UBA3: variants seen among roughly 807,000 people sequenced by gnomAD.
UBA3 encodes ubiquitin like modifier activating enzyme 3, also known as NEDD8-activating enzyme E1 catalytic subunit.
In UBA3, 26 loss-of-function variants were observed where a neutral mutation model predicts 73.5. The observed-to-expected ratio is 0.35, with a 90% CI of 0.26 to 0.49. UBA3 has a LOEUF of 0.49. Ranked by LOEUF, UBA3 falls within the 20% of genes least tolerant of loss-of-function variation. UBA3 has a pLI of 0.98. For synonymous variants in UBA3, 217 were observed against 191.2 expected, an observed-to-expected ratio of 1.13 and a Z score of -1.11; for missense variants, 495 against 555.6, an observed-to-expected ratio of 0.89 and a Z score of 1.10.
At chr3:69,063,226 T>G in intron 8 of UBA3, 89 bp from the exon 9 acceptor site, 8 of 1,515,794 alleles carry the variant, frequency 5.3e-6, no homozygotes, top group Non-Finnish European at 6.3e-6. Flanking sequence ...ATGAGTCGGT[T>G]GTGCTATTGA....
chr3:69,076,794 T>C (rs1317454138), intron 3 of UBA3, among the ~76,000 whole-genome samples: 1 of 151,914 alleles, frequency 6.6e-6, no homozygotes, highest in Non-Finnish European at 1.5e-5. Flanking sequence ...GTTCTCTCTA[T>C]GTTGCCCAGG....
chr3:69,055,274 ATTCTG>A lies in UBA3; in HGVS notation c.*158_*162del. The A allele has an allele frequency of 2.3e-6, 1 of 444,012 alleles. No individual in the cohort carries two copies. The highest frequency in any genetic ancestry group is 3.7e-5 in the East Asian group (1 of 26,696). 27.5% of individuals were successfully genotyped at this position (444,012 alleles called of 1,614,324 possible). ...AATGCTTACAAGCACCAACACCAAA[ATTCTG>A]TCTTCAAGGGAAGGTTACAAAGTTA... On this transcript the variant is annotated 3_prime_UTR_variant, in exon 18 of 18. Coordinates refer to ENST00000361055, the MANE Select transcript of UBA3 (RefSeq NM_003968.4).
At chr3:69,077,553 T>A (rs1443087016) in intron 3 of UBA3, 3 of 343,768 alleles carry the variant, frequency 8.7e-6, no homozygotes, top group African/African-American at 2.2e-5. Flanking sequence ...AATTTTTACA[T>A]GAGGTCATGA....
At chr3:69,080,262 G>A (rs1325069295) in intron 1 of UBA3, 72 bp downstream of exon 1, 2 of 1,576,506 alleles carry the variant, frequency 1.3e-6, no homozygotes, top group African/African-American at 1.4e-5. Context: ...GGGTGGCGGC[G>A]GCAACCGCCC....
At chr3:69,075,013 A>G (rs189611287) in intron 4 of UBA3, 1 of 153,052 alleles carries the variant, frequency 6.5e-6, no homozygotes, top group South Asian at 2.1e-4. Flanking sequence ...GTCTCCCTCT[A>G]TATAAAATGG....
chr3:69,076,522 G>C (rs1306954885), intron 3 of UBA3: 2 of 152,164 alleles, frequency 1.3e-5, no homozygotes, highest in Non-Finnish European at 2.9e-5. Context: ...GGCAACAAAA[G>C]CAAAACTCCA....
intron 11 of UBA3, chr3:69,061,603 AGTTTGACTT>A: frequency 2.3e-6 from 1 of 436,566 alleles, no homozygotes; most frequent in Non-Finnish European, 4.1e-6. Flanking sequence ...TAAAATGGAC[AGTTTGACTT>A]GGATGACTTA....
intron 11 of UBA3, among the ~76,000 whole-genome samples, chr3:69,061,351 A>G (rs2092019602): frequency 6.6e-6 from 1 of 152,182 alleles, no homozygotes; most frequent in Non-Finnish European, 1.5e-5. Flanking sequence ...ATGTGCCACC[A>G]CACCCAGCTA....
At chr3:69,078,151 A>G (rs1474420862) in intron 2 of UBA3, among the ~76,000 whole-genome samples, 1 of 152,270 alleles carries the variant, frequency 6.6e-6, no homozygotes, top group Non-Finnish European at 1.5e-5. Flanking sequence ...TGGATGAAAT[A>G]AATCAGTCTA....
rs1473207761 is a variant in UBA3, at chr3:69,077,904, CCAT to C, written c.74_76del (p.Asp25del). ...CCAGTCTCCAGTGTCCCCACACCCA[CCAT>C]CAACAGCCATTCTGCACAGAACACA... On this transcript the variant is annotated inframe_deletion, in exon 3 of 18. Coordinates refer to ENST00000361055, the MANE Select transcript of UBA3 (RefSeq NM_003968.4). The C allele has an allele frequency of 6.2e-7, 1 of 1,614,022 alleles. No homozygotes were observed.
chr3:69,061,959 G>A, intron 10 of UBA3, 32 bp from the exon 11 acceptor site: 1 of 1,494,496 alleles, frequency 6.7e-7, no homozygotes, highest in Middle Eastern at 1.8e-4. Flanking sequence ...GAGAGAGAGA[G>A]AGAGAAGACA....
At chr3:69,065,125 C>A (rs566494184) in intron 6 of UBA3, among the ~76,000 whole-genome samples, 10 of 152,174 alleles carry the variant, frequency 6.6e-5, no homozygotes, top group East Asian at 5.8e-4. Flanking sequence ...GAATGGCAAT[C>A]AGGGAACCAA....
intron 2 of UBA3, chr3:69,079,610 A>C (rs1256996395): frequency 6.5e-6 from 1 of 153,802 alleles, no homozygotes; most frequent in Admixed American, 6.5e-5. Context: ...ACCTCTTTCC[A>C]GATCTTTTAA....
At chr3:69,061,447 G>A (rs1001531378) in intron 11 of UBA3, 11 of 158,752 alleles carry the variant, frequency 6.9e-5, no homozygotes, top group East Asian at 5.5e-4. Flanking sequence ...CGCCTGCCTC[G>A]GCCTCCCGAA....
chr3:69,066,427 G>A (rs966975098), intron 6 of UBA3, among the ~76,000 whole-genome samples: 1 of 145,490 alleles, frequency 6.9e-6, no homozygotes, highest in Non-Finnish European at 1.5e-5. Flanking sequence ...AAGTTCTATC[G>A]TTTTATGGTT....
rs2091963584 is a variant in UBA3 at position 69,055,326 on chromosome 3, A to C, written c.*111T>G. ...GTTAAAAAAGAGTGGTTCATTATATAAAAAAAGACAAATCGTGGCAACACT... is the reference window on the plus strand; with the variant it reads ...GTTAAAAAAGAGTGGTTCATTATATCAAAAAAGACAAATCGTGGCAACACT... On this transcript the variant is annotated 3_prime_UTR_variant, in exon 18 of 18. Transcript: ENST00000361055. 1.5e-6 allele frequency: 1 copy of C among 663,270 alleles called. No individual in the cohort carries two copies. The highest frequency in any genetic ancestry group is 3.4e-5 in the East Asian group (1 of 29,612). 41.1% of individuals were successfully genotyped at this position (663,270 alleles called of 1,614,324 possible). A position where few individuals can be genotyped will look rare whatever the true frequency, so the allele number is the denominator to read the frequency against.
Position 69,055,874 on chromosome 3 carries a change from G to A in UBA3, c.1280C>T (p.Pro427Leu). The A allele has an allele frequency of 6.2e-7, 1 of 1,612,400 alleles. No individual in the cohort carries two copies. The highest frequency in any genetic ancestry group is 1.7e-4 in the Middle Eastern group (1 of 5,802). Residue 427 changes from proline to leucine, a missense_variant, in exon 17 of 18, where the codon CCA becomes CTA. Physicochemically the swap from Pro to Leu is moderately conservative, Grantham distance 98 (BLOSUM62 -3). Coordinates refer to ENST00000361055, the MANE Select transcript of UBA3 (RefSeq NM_003968.4). Reference sequence around the variant, plus strand: ...ACCTTTCAATGTTTTGGAGAGATTTGGCCTTGTTCGTTCTTCAATAGAGGT... The same window carrying A: ...ACCTTTCAATGTTTTGGAGAGATTTAGCCTTGTTCGTTCTTCAATAGAGGT... ...SVTSIEERTR[P>L]NLSKTLKELG...
At position 69,080,275 on chromosome 3, in the gene UBA3, C is replaced by A. The variant is rs2092208349; in HGVS notation, c.20+59G>T. ...CCGGGTGGCGGCGGCAACCGCCCAC[C>A]GCCGCGCTCTCTCACAACCCAGCCC... On this transcript the variant is annotated intron_variant, in intron 1 of 17. Coordinates refer to ENST00000361055, the MANE Select transcript of UBA3 (RefSeq NM_003968.4). 5.0e-6 allele frequency: 8 copies of A among 1,592,250 alleles called. No individual in the cohort carries two copies. In the South Asian group the frequency reaches 9.1e-5, roughly 18 times the overall value.
intron 2 of UBA3, among the ~76,000 whole-genome samples, chr3:69,079,016 A>C (rs1369700285): frequency 6.6e-6 from 1 of 152,232 alleles, no homozygotes; most frequent in East Asian, 1.9e-4. Context: ...CTACCGTCAA[A>C]TATATTAGTA....
Sources: gnomAD v4.1 joint callset for allele counts (sites outside exome capture counted in the v4.1 genomes callset) on GRCh38, gnomAD v4.1.1 for gene constraint, MANE v1.5 for transcripts, NCBI Gene and HGNC (gene_info 2026-07-23, HGNC 2026-07-21) for gene names.